The following LRMDA variants were observed in gnomAD, a reference collection of about 807,000 sequenced individuals.
LRMDA encodes leucine rich melanocyte differentiation associated.
LRMDA carries 18 observed loss-of-function variants against 29.8 expected under a neutral mutation model. The observed-to-expected ratio is 0.60, with a 90% CI of 0.42 to 0.90. The LOEUF is 0.90. LRMDA is among the 40% of genes least tolerant of loss of function. LRMDA has a pLI of 0.00. For synonymous variants in LRMDA, 125 were observed against 109.4 expected (o/e 1.14, Z -0.89); for missense variants, 273 against 273.9 (o/e 1.00, Z 0.02).
At chr10:75,966,847 T>C (rs1190448069) in intron 2 of LRMDA, among the ~76,000 whole-genome samples, 1 of 152,242 alleles carries the variant, frequency 6.6e-6, no homozygotes, top group Admixed American at 6.5e-5. Flanking sequence ...GATAATGCCC[T>C]GCGAGGCTAT....
At chr10:76,120,411 C>A (rs1366769037) in intron 5 of LRMDA, among the ~76,000 whole-genome samples, 2 of 152,084 alleles carry the variant, frequency 1.3e-5, no homozygotes, top group Non-Finnish European at 2.9e-5. Context: ...TGGTCTCGAA[C>A]TCCTGACCTC....
At chr10:76,379,120 G>A (rs1371763807) in intron 6 of LRMDA, among the ~76,000 whole-genome samples, 2 of 151,252 alleles carry the variant, frequency 1.3e-5, no homozygotes, top group Non-Finnish European at 2.9e-5. Flanking sequence ...GCCTCCCAAA[G>A]TGCTGAGATT....
At chr10:76,481,617 C>T (rs1842734259) in intron 6 of LRMDA, among the ~76,000 whole-genome samples, 1 of 151,886 alleles carries the variant, frequency 6.6e-6, no homozygotes, top group African/African-American at 2.4e-5. Context: ...CTCAGGTATA[C>T]ATTTAGCTCT....
chr10:75,732,948 A>G (rs1012197193), intron 2 of LRMDA, among the ~76,000 whole-genome samples: 2 of 152,164 alleles, frequency 1.3e-5, no homozygotes, highest in Admixed American at 1.3e-4. Flanking sequence ...CTGAGAGTAT[A>G]TTGCTGGTGA....
rs913744960 is a variant in LRMDA at position 75,901,714 on chromosome 10, T to G, written c.132-134294T>G. ...TGTTAATGATTCTAATGAAAGCTTCTGGTATTTTGTTCAAGAGTGTGTTGC... is the reference window on the plus strand; with the variant it reads ...TGTTAATGATTCTAATGAAAGCTTCGGGTATTTTGTTCAAGAGTGTGTTGC... On this transcript the variant is annotated intron_variant, in intron 2 of 6. Transcript: ENST00000611255. Among the ~76,000 whole-genome samples the G allele has an allele frequency of 3.9e-5, 6 of 152,334 alleles. No individual in the cohort carries two copies. In the East Asian group the frequency reaches 9.6e-4, roughly 24 times the overall value.
intron 2 of LRMDA, among the ~76,000 whole-genome samples, chr10:75,845,329 AT>A (rs1844614276): frequency 6.6e-6 from 1 of 152,158 alleles, no homozygotes; most frequent in South Asian, 2.1e-4. Flanking sequence ...TGGCAATATT[AT>A]TTGACATCTG....
chr10:75,939,141 A>G (rs1846346641), intron 2 of LRMDA, among the ~76,000 whole-genome samples: 1 of 152,262 alleles, frequency 6.6e-6, no homozygotes, highest in East Asian at 1.9e-4. Flanking sequence ...TCCTAAAAAC[A>G]TATTTTGTGT....
intron 2 of LRMDA, among the ~76,000 whole-genome samples, chr10:75,721,830 T>C (rs1325520179): frequency 3.3e-5 from 5 of 152,244 alleles, no homozygotes; most frequent in Non-Finnish European, 5.9e-5. Context: ...GAGTATTCCA[T>C]ATATCACACA....
chr10:75,571,361 TA>T (rs1395967014), intron 2 of LRMDA, among the ~76,000 whole-genome samples: 1 of 151,152 alleles, frequency 6.6e-6, no homozygotes, highest in Non-Finnish European at 1.5e-5. Flanking sequence ...TTGTGTGGAT[TA>T]AGGTGTCATG....
intron 2 of LRMDA, among the ~76,000 whole-genome samples, chr10:75,871,391 CA>C (rs1434287648): frequency 2.0e-5 from 3 of 152,218 alleles, no homozygotes; most frequent in African/African-American, 7.2e-5. Context: ...GTGCCTCCAT[CA>C]GGGGTAACCT....
rs368700279 is a variant in LRMDA, at chr10:75,750,606, G to A, written c.132-285402G>A. On this transcript the variant is annotated intron_variant, in intron 2 of 6. Transcript: ENST00000611255. Reference sequence around the variant, plus strand: ...CTCCTCACTTCCCAGACGGGATGGCGGCCGGGCAGAGGCGCTCCTCACATC... The same window carrying A: ...CTCCTCACTTCCCAGACGGGATGGCAGCCGGGCAGAGGCGCTCCTCACATC... Among the ~76,000 whole-genome samples the A allele has an allele frequency of 4.1e-3, 607 of 147,414 alleles. 6 individuals carry two copies. The highest frequency in any genetic ancestry group is 0.014 in the African/African-American group (553 of 39,616).
chr10:76,162,114 A>G (rs867359332), intron 5 of LRMDA, among the ~76,000 whole-genome samples: 20 of 152,124 alleles, frequency 1.3e-4, no homozygotes, highest in African/African-American at 4.8e-4. Flanking sequence ...TGCAAGTGTT[A>G]TTTGCATGTC....
chr10:75,864,640 G>C (rs1844989964), intron 2 of LRMDA, among the ~76,000 whole-genome samples: 1 of 152,182 alleles, frequency 6.6e-6, no homozygotes, highest in African/African-American at 2.4e-5. Context: ...CTGCTCTAAT[G>C]TTAGTAACTC....
chr10:75,828,855 T>C (rs764904942), intron 2 of LRMDA, among the ~76,000 whole-genome samples: 2 of 152,158 alleles, frequency 1.3e-5, no homozygotes, highest in South Asian at 2.1e-4. Context: ...TTATAGGTCT[T>C]TGAAGGAGGT....
Position 75,938,242 on chromosome 10 carries a change from T to C in LRMDA, c.132-97766T>C, listed in dbSNP as rs1016596253. ...AGAATTACACCCAATTTGGGAGATT[T>C]TGAGCCATTTAGTAACAGGAGCTTG... On this transcript the variant is annotated intron_variant, in intron 2 of 6. Coordinates refer to ENST00000611255, the MANE Select transcript of LRMDA (RefSeq NM_001305581.2). Among the ~76,000 whole-genome samples the C allele has an allele frequency of 5.3e-5, 8 of 152,334 alleles. No homozygotes were observed. The South Asian group carries it at 1.7e-3, about 32-fold the overall frequency.
chr10:76,529,044 G>A (rs77593984), intron 6 of LRMDA, among the ~76,000 whole-genome samples: 8 of 152,070 alleles, frequency 5.3e-5, no homozygotes, highest in Admixed American at 3.3e-4. Flanking sequence ...GCAGGTTGAC[G>A]TTAAGAAAAT....
At chr10:75,907,497 T>A (rs897522742) in intron 2 of LRMDA, among the ~76,000 whole-genome samples, 5 of 152,224 alleles carry the variant, frequency 3.3e-5, no homozygotes, top group Non-Finnish European at 2.9e-5. Context: ...ATGGTCACTG[T>A]GGCTTCATTT....
At chr10:75,962,869 C>G (rs1462085979) in intron 2 of LRMDA, among the ~76,000 whole-genome samples, 2 of 152,120 alleles carry the variant, frequency 1.3e-5, no homozygotes, top group East Asian at 3.9e-4. Context: ...ATTTCTCTTT[C>G]CTAAGGCATA....
intron 5 of LRMDA, among the ~76,000 whole-genome samples, chr10:76,078,565 G>A (rs1255595418): frequency 6.6e-6 from 1 of 152,118 alleles, no homozygotes; most frequent in East Asian, 1.9e-4. Context: ...GCTGGGTGCG[G>A]TGGCTCATGC....
Sources: allele counts gnomAD v4.1 joint callset (sites outside exome capture counted in the v4.1 genomes callset), GRCh38; gene constraint gnomAD v4.1.1; transcripts MANE v1.5; gene names NCBI Gene and HGNC (gene_info 2026-07-23, HGNC 2026-07-21).